Variants in PHEX observed in about 807,000 individuals in gnomAD.
PHEX encodes the protein phosphate-regulating neutral endopeptidase PHEX.
A neutral mutation model predicts 68.0 loss-of-function variants in PHEX; 16 were observed. That is an observed-to-expected ratio of 0.24 (90% CI 0.16 to 0.36). The LOEUF (loss-of-function observed/expected upper bound fraction) is 0.36, where lower values mean the gene tolerates loss of function less well. Among genes scored for constraint, PHEX ranks in the 10% least tolerant of loss-of-function variants. PHEX has a pLI of 1.00. For synonymous variants in PHEX, 208 were observed against 205.1 expected, an observed-to-expected ratio of 1.01 and a Z score of -0.12; for missense variants, 480 against 575.5, an observed-to-expected ratio of 0.83 and a Z score of 1.70.
chrX:22,139,419 T>TTCAA (rs1932364833), intron 12 of PHEX, among the ~76,000 whole-genome samples: 1 of 112,293 alleles, frequency 8.9e-6, no homozygotes, highest in African/African-American at 3.2e-5. Flanking sequence ...ATTGTCGTTG[T>TTCAA]GATATATATT....
chrX:22,176,867 C>T (rs1312756617), intron 13 of PHEX, among the ~76,000 whole-genome samples: 1 of 111,244 alleles, frequency 9.0e-6, no homozygotes, highest in Non-Finnish European at 1.9e-5. Flanking sequence ...GTTGTATTGC[C>T]TTCCATTATG....
At chrX:22,191,754 A>G (rs766773545) in intron 15 of PHEX, among the ~76,000 whole-genome samples, 2 of 112,305 alleles carry the variant, frequency 1.8e-5, no homozygotes, top group Non-Finnish European at 3.8e-5. Context: ...AAGCCCATGC[A>G]AAAATGCTCA....
At chrX:22,139,975 G>A (rs1297663877) in intron 12 of PHEX, among the ~76,000 whole-genome samples, 1 of 111,196 alleles carries the variant, frequency 9.0e-6, no homozygotes. Flanking sequence ...ATGCATCAGT[G>A]CCATCTGAAG....
At chrX:22,094,139 CTTTT>C in intron 7 of PHEX, 40 bp downstream of exon 7, 2 of 774,785 alleles carry the variant, frequency 2.6e-6, no homozygotes, top group Non-Finnish European at 4.0e-6. Context: ...CCTTTACTTT[CTTTT>C]CTTTTCCTTT....
intron 9 of PHEX, among the ~76,000 whole-genome samples, chrX:22,100,098 A>G (rs1930348767): frequency 8.9e-6 from 1 of 112,662 alleles, no homozygotes; most frequent in South Asian, 3.6e-4. Flanking sequence ...TTAAAATTCT[A>G]TCATTTAGAG....
chrX:22,080,301 C>T (rs7889471), intron 5 of PHEX, among the ~76,000 whole-genome samples: 6,764 of 111,977 alleles, frequency 0.06, 287 homozygotes, highest in African/African-American at 0.15. Context: ...AAGATGGCAG[C>T]TTGTTCCAAA....
intron 1 of PHEX, among the ~76,000 whole-genome samples, chrX:22,036,731 CTT>C (rs11291706): frequency 1.6e-3 from 156 of 97,408 alleles, no homozygotes; most frequent in Non-Finnish European, 2.1e-3. Flanking sequence ...TTTTACATAA[CTT>C]TTTTTTTTTT....
intron 4 of PHEX, among the ~76,000 whole-genome samples, chrX:22,076,716 T>A (rs1166359065): frequency 8.9e-6 from 1 of 112,166 alleles, no homozygotes; most frequent in Non-Finnish European, 1.9e-5. Flanking sequence ...TATCATTTAC[T>A]CCCTGAGAAA....
At chrX:22,036,325 G>A (rs1927020329) in intron 1 of PHEX, among the ~76,000 whole-genome samples, 1 of 109,440 alleles carries the variant, frequency 9.1e-6, no homozygotes, top group African/African-American at 3.3e-5. Context: ...CACCCAAAGT[G>A]CTGGGATTGC....
intron 1 of PHEX, among the ~76,000 whole-genome samples, chrX:22,035,145 G>A (rs974053012): frequency 1.8e-5 from 2 of 111,303 alleles, no homozygotes; most frequent in Non-Finnish European, 3.8e-5. Flanking sequence ...GCAATTTCTA[G>A]CATCCCTTCG....
At chrX:22,237,523 A>T (rs55738433) in intron 20 of PHEX, among the ~76,000 whole-genome samples, 37,192 of 110,350 alleles carry the variant, frequency 0.34, 4,746 homozygotes, top group Middle Eastern at 0.41. Context: ...CCTGGTATCT[A>T]TAAATAATCT....
intron 20 of PHEX, among the ~76,000 whole-genome samples, chrX:22,233,905 T>G (rs5904636): frequency 0.36 from 40,483 of 111,133 alleles, 5,744 homozygotes; most frequent in African/African-American, 0.46. Context: ...TTGGTTTTTG[T>G]AACTTTTAGC....
intron 12 of PHEX, among the ~76,000 whole-genome samples, chrX:22,162,491 A>G (rs891770820): frequency 1.3e-4 from 14 of 111,028 alleles, no homozygotes; most frequent in African/African-American, 4.6e-4. Context: ...CATCACAGTT[A>G]CTCCAAATCC....
At chrX:22,108,234 G>A (rs1407926629) in intron 9 of PHEX, among the ~76,000 whole-genome samples, 3 of 111,748 alleles carry the variant, frequency 2.7e-5, no homozygotes, top group African/African-American at 6.5e-5. Context: ...AGGGGAATGC[G>A]CATATCCTAA....
At chrX:22,114,619 T>A (rs1213251532) in intron 11 of PHEX, 33 bp downstream of exon 11, 2 of 1,178,779 alleles carry the variant, frequency 1.7e-6, no homozygotes, top group Admixed American at 4.4e-5. Context: ...CAAAAAATAA[T>A]GGCAATTTAG....
At chrX:22,191,523 T>C (rs558103232) in intron 15 of PHEX, among the ~76,000 whole-genome samples, 2 of 112,447 alleles carry the variant, frequency 1.8e-5, no homozygotes, top group South Asian at 7.3e-4. Flanking sequence ...TGGAATGTGC[T>C]CTAATGTTGT....
At chrX:22,160,372 A>G (rs1424307528) in intron 12 of PHEX, among the ~76,000 whole-genome samples, 1 of 109,669 alleles carries the variant, frequency 9.1e-6, no homozygotes, top group Non-Finnish European at 1.9e-5. Context: ...AATATGGTAA[A>G]ACCCCATCTC....
intron 20 of PHEX, among the ~76,000 whole-genome samples, chrX:22,243,975 C>A (rs1354771247): frequency 8.9e-6 from 1 of 111,807 alleles, no homozygotes; most frequent in Non-Finnish European, 1.9e-5. Context: ...ATAAAGACAC[C>A]ATGCATACGT....
intron 14 of PHEX, among the ~76,000 whole-genome samples, chrX:22,188,018 G>C (rs1047695416): frequency 9.0e-6 from 1 of 111,471 alleles, no homozygotes; most frequent in African/African-American, 3.3e-5. Flanking sequence ...AGGTGCTTAG[G>C]ACATAGTAAG....
Sources: allele counts gnomAD v4.1 joint callset (sites outside exome capture counted in the v4.1 genomes callset), GRCh38; gene constraint gnomAD v4.1.1; transcripts MANE v1.5; gene names NCBI Gene and HGNC (gene_info 2026-07-23, HGNC 2026-07-21).